The following CDK5RAP2 variants were observed in gnomAD, a reference collection of about 807,000 sequenced individuals.
CDK5RAP2 encodes CDK5 regulatory subunit associated protein 2, also known as CDK5 regulatory subunit-associated protein 2.
A neutral mutation model predicts 232.9 loss-of-function variants in CDK5RAP2; 147 were observed. The observed-to-expected ratio is 0.63, with a 90% CI of 0.55 to 0.72. CDK5RAP2 has a LOEUF of 0.72. Ranked by LOEUF, CDK5RAP2 falls within the 30% of genes least tolerant of loss-of-function variation. The probability of loss-of-function intolerance (pLI) is 0.00; values close to 1 mark genes in which losing one functional copy is unlikely to be tolerated. For synonymous variants in CDK5RAP2, 833 were observed against 833.7 expected (o/e 1.00, Z 0.01); for missense variants, 2,195 against 2,231.5 (o/e 0.98, Z 0.33).
intron 27 of CDK5RAP2, among the ~76,000 whole-genome samples, chr9:120,417,581 G>C (rs2034306500): frequency 6.6e-6 from 1 of 152,232 alleles, no homozygotes; most frequent in Non-Finnish European, 1.5e-5. Context: ...ATCTTCCACT[G>C]AGTCTTTGGC....
intron 25 of CDK5RAP2, among the ~76,000 whole-genome samples, chr9:120,432,944 G>T (rs556215886): frequency 4.6e-5 from 7 of 152,272 alleles, no homozygotes; most frequent in African/African-American, 1.7e-4. Context: ...ATGAAAACTA[G>T]CTTATTTAGA....
chr9:120,575,489 T>C (rs2043001418), intron 1 of CDK5RAP2, among the ~76,000 whole-genome samples: 1 of 152,188 alleles, frequency 6.6e-6, no homozygotes, highest in Admixed American at 6.5e-5. Context: ...CCAGCAACAA[T>C]TGTCCACTCA....
At chr9:120,472,617 G>A (rs1306147682) in intron 15 of CDK5RAP2, among the ~76,000 whole-genome samples, 1 of 152,230 alleles carries the variant, frequency 6.6e-6, no homozygotes, top group Non-Finnish European at 1.5e-5. Flanking sequence ...AAACTCCACT[G>A]TGGTGGGTGA....
At chr9:120,518,208 TGTGAGA>T (rs1439042039) in intron 12 of CDK5RAP2, among the ~76,000 whole-genome samples, 35 of 111,488 alleles carry the variant, frequency 3.1e-4, no homozygotes, top group African/African-American at 9.6e-4. Context: ...TGTGTGTGTG[TGTGAGA>T]GAGAGAGAGA....
intron 32 of CDK5RAP2, among the ~76,000 whole-genome samples, chr9:120,405,375 G>A (rs1462465151): frequency 6.6e-6 from 1 of 152,224 alleles, no homozygotes; most frequent in Non-Finnish European, 1.5e-5. Context: ...TGCCAGGCAT[G>A]ATGAGGGCTG....
chr9:120,557,624 T>C (rs1280538617), intron 3 of CDK5RAP2, among the ~76,000 whole-genome samples: 1 of 151,970 alleles, frequency 6.6e-6, no homozygotes, highest in African/African-American at 2.4e-5. Context: ...CTGGGTATAG[T>C]GGCACACACC....
intron 5 of CDK5RAP2, among the ~76,000 whole-genome samples, chr9:120,540,822 C>A (rs1254514559): frequency 6.6e-6 from 1 of 152,234 alleles, no homozygotes; most frequent in Non-Finnish European, 1.5e-5. Context: ...TGCACACTAG[C>A]CCTTGGCCTC....
chr9:120,487,513 A>T, intron 13 of CDK5RAP2, 76 bp from the exon 14 acceptor site: 1 of 1,157,724 alleles, frequency 8.6e-7, no homozygotes. Flanking sequence ...AAACTCCTTA[A>T]GGAAAAATAT....
chr9:120,389,677 T>C, intron 37 of CDK5RAP2, 64 bp downstream of exon 37: 2 of 1,483,808 alleles, frequency 1.3e-6, no homozygotes, highest in South Asian at 2.3e-5. Context: ...CAAGAGGTCC[T>C]TTCTGGCCCT....
chr9:120,408,171 C>T, intron 31 of CDK5RAP2, 176 bp downstream of exon 31: 1 of 774,968 alleles, frequency 1.3e-6, no homozygotes, highest in Non-Finnish European at 2.2e-6. Flanking sequence ...TTCTATGTTT[C>T]CTGCTGTTCC....
chr9:120,526,518 C>T (rs2131892202), intron 10 of CDK5RAP2, among the ~76,000 whole-genome samples: 1 of 152,248 alleles, frequency 6.6e-6, no homozygotes, highest in Non-Finnish European at 1.5e-5. Flanking sequence ...AAGCCCCTCC[C>T]CCTCCATTCC....
chr9:120,569,942 G>A (rs745520371), intron 2 of CDK5RAP2, among the ~76,000 whole-genome samples: 1 of 152,114 alleles, frequency 6.6e-6, no homozygotes, highest in Non-Finnish European at 1.5e-5. Flanking sequence ...TAGCCAACAG[G>A]AATAAATGAA....
intron 4 of CDK5RAP2, among the ~76,000 whole-genome samples, chr9:120,548,362 T>C (rs959030803): frequency 6.6e-6 from 1 of 152,204 alleles, no homozygotes. Context: ...CACTCCAATT[T>C]AATACATTTA....
At chr9:120,440,142 C>T (rs2035815692) in intron 23 of CDK5RAP2, among the ~76,000 whole-genome samples, 170 bp from the exon 24 acceptor site, 1 of 152,152 alleles carries the variant, frequency 6.6e-6, no homozygotes, top group Non-Finnish European at 1.5e-5. Context: ...CCAGTCTTTC[C>T]TAACAAGCCT....
chr9:120,467,615 G>A (rs2037454531), intron 18 of CDK5RAP2, among the ~76,000 whole-genome samples: 1 of 152,032 alleles, frequency 6.6e-6, no homozygotes, highest in Non-Finnish European at 1.5e-5. Context: ...CATATGGTTT[G>A]TATACATACA....
In CDK5RAP2 at chr9:120,529,970, C is replaced by A; in HGVS notation, c.825+8G>T. ...TTAAAGCCCCCTCTTCATGTCCTGTCACCTCACCTCAGTTTCTCTCTCCTT... is the reference window on the plus strand; with the variant it reads ...TTAAAGCCCCCTCTTCATGTCCTGTAACCTCACCTCAGTTTCTCTCTCCTT... On this transcript the variant is annotated splice_region_variant and intron_variant, in intron 8 of 37. Coordinates refer to ENST00000349780, the MANE Select transcript of CDK5RAP2 (RefSeq NM_018249.6). The A allele has an allele frequency of 6.2e-7, 1 of 1,613,558 alleles. No homozygotes were observed. Among genetic ancestry groups the A allele is most frequent in the Non-Finnish European group, 8.5e-7 (1 of 1,179,718 alleles).
At chr9:120,406,839 A>G (rs1445620340) in intron 32 of CDK5RAP2, 173 bp downstream of exon 32, 2 of 610,622 alleles carry the variant, frequency 3.3e-6, no homozygotes, top group African/African-American at 3.7e-5. Context: ...CACTTTGCCC[A>G]AGGTGACCGC....
chr9:120,570,242 GCCCTCACCTGTGTCTGGGATGCTCATC>G (rs2042804185), intron 2 of CDK5RAP2, among the ~76,000 whole-genome samples: 1 of 152,160 alleles, frequency 6.6e-6, no homozygotes, highest in Admixed American at 6.5e-5. Context: ...AACGGGCCAT[GCCCTCACCTGTGTCTGGGATGCTCATC>G]CCCTCCTTTT....
At chr9:120,517,902 C>A (rs1434317051) in intron 12 of CDK5RAP2, 2 of 318,274 alleles carry the variant, frequency 6.3e-6, no homozygotes, top group Admixed American at 3.6e-5. Flanking sequence ...TCAAAAAAAA[C>A]AACAAAGAAT....
Sources: gnomAD v4.1 joint callset for allele counts (sites outside exome capture counted in the v4.1 genomes callset) on GRCh38, gnomAD v4.1.1 for gene constraint, MANE v1.5 for transcripts, NCBI Gene and HGNC (gene_info 2026-07-23, HGNC 2026-07-21) for gene names.